The following FAT3 variants were observed in gnomAD, a reference collection of about 807,000 sequenced individuals.
FAT3 encodes protocadherin Fat 3.
In FAT3, 95 loss-of-function variants were observed where a neutral mutation model predicts 310.2. The ratio of observed to expected loss-of-function variants is 0.31; its 90% CI spans 0.26 to 0.36. The LOEUF (loss-of-function observed/expected upper bound fraction) is 0.36, where lower values mean the gene tolerates loss of function less well. Ranked by LOEUF, FAT3 falls within the 10% of genes least tolerant of loss-of-function variation. The pLI is 1.00. For missense variants in FAT3, 5,408 were observed against 5,715.6 expected, an observed-to-expected ratio of 0.95 and a Z score of 1.74; for synonymous variants, 2,314 against 2,192.9, an observed-to-expected ratio of 1.06 and a Z score of -1.54.
At chr11:92,485,376 C>T (rs1952348938) in intron 2 of FAT3, among the ~76,000 whole-genome samples, 1 of 152,124 alleles carries the variant, frequency 6.6e-6, no homozygotes, top group Non-Finnish European at 1.5e-5. Context: ...GACTGAAGTG[C>T]CCCAAGCGCC....
At chr11:92,475,400 T>C (rs914371920) in intron 2 of FAT3, among the ~76,000 whole-genome samples, 1 of 152,130 alleles carries the variant, frequency 6.6e-6, no homozygotes, top group African/African-American at 2.4e-5. Context: ...TAGATGTGGA[T>C]ATACTCTAGG....
intron 3 of FAT3, among the ~76,000 whole-genome samples, chr11:92,618,494 G>A (rs887470680): frequency 1.3e-5 from 2 of 152,122 alleles, no homozygotes; most frequent in African/African-American, 4.8e-5. Flanking sequence ...TGTCCGACAA[G>A]CCCCAGTGAG....
At chr11:92,882,595 C>G (rs1012662086) in intron 23 of FAT3, 143 bp from the exon 24 acceptor site, 4 of 581,166 alleles carry the variant, frequency 6.9e-6, no homozygotes, top group Admixed American at 6.9e-5. Context: ...TCCCCCCCCC[C>G]ACCAACCATC....
At chr11:92,736,667 A>G (rs554590187) in intron 4 of FAT3, among the ~76,000 whole-genome samples, 2 of 152,182 alleles carry the variant, frequency 1.3e-5, no homozygotes, top group African/African-American at 4.8e-5. Context: ...CTCAGGCTTC[A>G]TTTAGCTACT....
rs146317794 is a variant in FAT3, at chr11:92,419,824, T to A, written c.3292+64420T>A. Among the ~76,000 whole-genome samples, 262 of 152,334 alleles carry A rather than the reference T, an allele frequency of 1.7e-3. 2 individuals carry two copies. Among genetic ancestry groups the A allele is most frequent in the African/African-American group, 6.2e-3 (256 of 41,590 alleles). On this transcript the variant is annotated intron_variant, in intron 2 of 27. Coordinates refer to ENST00000525166, the MANE Select transcript of FAT3 (RefSeq NM_001367949.2). ...GATGGACTCCTTTTATCTGCAAGAC[T>A]TCCTGCCATTTCTCAGGCTAAATGA... is the stretch of plus-strand genomic sequence containing the variant.
chr11:92,498,455 T>G (rs1340834460), intron 2 of FAT3: 1 of 175,238 alleles, frequency 5.7e-6, no homozygotes, highest in Non-Finnish European at 1.2e-5. Flanking sequence ...GACCTGTTGG[T>G]GCTGAGTGTA....
At chr11:92,402,026 A>G (rs1950025739) in intron 2 of FAT3, among the ~76,000 whole-genome samples, 1 of 152,240 alleles carries the variant, frequency 6.6e-6, no homozygotes, top group Non-Finnish European at 1.5e-5. Flanking sequence ...GATATGACAC[A>G]GATTTTGCAA....
chr11:92,483,512 T>C (rs1001035502), intron 2 of FAT3, among the ~76,000 whole-genome samples: 1 of 152,108 alleles, frequency 6.6e-6, no homozygotes, highest in African/African-American at 2.4e-5. Flanking sequence ...AGCTGTTTTC[T>C]AACATATTTT....
chr11:92,269,880 T>G (rs1160127069), intron 1 of FAT3, among the ~76,000 whole-genome samples: 1 of 152,148 alleles, frequency 6.6e-6, no homozygotes, highest in Non-Finnish European at 1.5e-5. Context: ...AAGTTTTCTA[T>G]TCTACATCCT....
chr11:92,566,365 C>T (rs1191222375), intron 3 of FAT3, among the ~76,000 whole-genome samples: 1 of 152,042 alleles, frequency 6.6e-6, no homozygotes, highest in African/African-American at 2.4e-5. Flanking sequence ...AACTACAAAC[C>T]ACTGCTCAAT....
chr11:92,242,410 T>A (rs1864702960), intron 1 of FAT3, among the ~76,000 whole-genome samples: 1 of 151,950 alleles, frequency 6.6e-6, no homozygotes, highest in Admixed American at 6.6e-5. Flanking sequence ...GGAAAAATAT[T>A]TGTATGGCAA....
Position 92,774,084 on chromosome 11 carries a change from G to T in FAT3, c.4239G>T (p.Gly1413=). ...DSAFDAEKGV[G]TIVIAKPLDA... ...CTTTTGATGCAGAGAAGGGTGTTGG[G>T]ACAATTGTCATCGCAAAACCTTTGG... Residue 1413 remains glycine (G), a synonymous_variant, in exon 7 of 28, where the codon GGG becomes GGT. Transcript: ENST00000525166. 1 of 1,613,760 alleles carries T rather than the reference G, an allele frequency of 6.2e-7. No individual in the cohort carries two copies. Among genetic ancestry groups the T allele is most frequent in the Non-Finnish European group, 8.5e-7 (1 of 1,179,726 alleles).
chr11:92,705,436 ATGGTGG>A (rs1451781092), intron 4 of FAT3, among the ~76,000 whole-genome samples: 1 of 16,574 alleles, frequency 6.0e-5, no homozygotes, highest in African/African-American at 1.9e-4. Flanking sequence ...GGTGGTGGTG[ATGGTGG>A]TGGTGTGATG....
chr11:92,836,424 G>A lies in FAT3; in HGVS notation c.10087-142G>A, dbSNP rs1948409627. ...CTGATTAATCATCTCTTCTGCTGGGGGCGTGGTCACTAACATTAGAGAGCA... is the reference window on the plus strand; with the variant it reads ...CTGATTAATCATCTCTTCTGCTGGGAGCGTGGTCACTAACATTAGAGAGCA... On this transcript the variant is annotated intron_variant, in intron 15 of 27. Transcript: ENST00000525166. The A allele has an allele frequency of 3.7e-6, 3 of 811,626 alleles. No homozygotes were observed. In the East Asian group the frequency reaches 8.7e-5, roughly 23 times the overall value. 50.3% of individuals were successfully genotyped at this position (811,626 alleles called of 1,614,324 possible).
At chr11:92,230,773 A>T (rs1864146547) in intron 1 of FAT3, among the ~76,000 whole-genome samples, 1 of 152,208 alleles carries the variant, frequency 6.6e-6, no homozygotes, top group Admixed American at 6.5e-5. Flanking sequence ...TAGAAGTCAC[A>T]TCTAAAAATG....
At chr11:92,328,615 TG>T (rs1239077275) in intron 1 of FAT3, among the ~76,000 whole-genome samples, 1 of 152,206 alleles carries the variant, frequency 6.6e-6, no homozygotes, top group East Asian at 1.9e-4. Context: ...CTCTGGCTTC[TG>T]TAAGAGCCAC....
chr11:92,514,490 G>A (rs139050231), intron 2 of FAT3, among the ~76,000 whole-genome samples: 155 of 152,246 alleles, frequency 1.0e-3, no homozygotes, highest in African/African-American at 3.4e-3. Flanking sequence ...AAAATGTGAG[G>A]GATAGGATAC....
chr11:92,638,461 G>A (rs1049815881), intron 3 of FAT3, among the ~76,000 whole-genome samples: 1 of 152,110 alleles, frequency 6.6e-6, no homozygotes, highest in Non-Finnish European at 1.5e-5. Flanking sequence ...TTATTTACCT[G>A]TAAGTGAATT....
chr11:92,865,162 G>T (rs1174010457), intron 21 of FAT3, among the ~76,000 whole-genome samples: 5 of 152,160 alleles, frequency 3.3e-5, no homozygotes, highest in Admixed American at 3.3e-4. Flanking sequence ...TGTTTATGTG[G>T]CATGACCTAC....
Sources: gnomAD v4.1 joint callset for allele counts (sites outside exome capture counted in the v4.1 genomes callset) on GRCh38, gnomAD v4.1.1 for gene constraint, MANE v1.5 for transcripts, NCBI Gene and HGNC (gene_info 2026-07-23, HGNC 2026-07-21) for gene names.